The following CEP170 variants were observed in gnomAD, a reference collection of about 807,000 sequenced individuals.
The protein encoded by CEP170 is centrosomal protein of 170 kDa.
In CEP170, 21 loss-of-function variants were observed where a neutral mutation model predicts 151.9. The observed-to-expected ratio is 0.14, with a 90% CI of 0.10 to 0.20. The LOEUF (loss-of-function observed/expected upper bound fraction) is 0.20, where lower values mean the gene tolerates loss of function less well. CEP170 is among the 10% of genes least tolerant of loss of function. CEP170 has a pLI of 1.00. For missense variants in CEP170, 964 were observed against 1,892.9 expected (o/e 0.51, Z 9.11); for synonymous variants, 356 against 648.8 (o/e 0.55, Z 6.86).
intron 1 of CEP170, among the ~76,000 whole-genome samples, chr1:243,245,253 A>G (rs1449744237): frequency 1.3e-5 from 2 of 152,130 alleles, no homozygotes; most frequent in Non-Finnish European, 2.9e-5. Context: ...AGAAATTTAA[A>G]TAAGGTTTTT....
chr1:243,184,862 A>G (rs191874699), intron 10 of CEP170, among the ~76,000 whole-genome samples: 139 of 152,100 alleles, frequency 9.1e-4, no homozygotes, highest in African/African-American at 3.2e-3. Flanking sequence ...CTTGGTATAT[A>G]TAGGATGGGC....
At chr1:243,206,714 A>C (rs2061444696) in intron 4 of CEP170, among the ~76,000 whole-genome samples, 1 of 152,246 alleles carries the variant, frequency 6.6e-6, no homozygotes, top group East Asian at 1.9e-4. Context: ...TTAAATGACA[A>C]TTGACTTTTT....
At chr1:243,153,848 G>A (rs1294951194) in intron 14 of CEP170, among the ~76,000 whole-genome samples, 3 of 152,174 alleles carry the variant, frequency 2.0e-5, no homozygotes, top group Non-Finnish European at 4.4e-5. Context: ...TAGGTTGAAT[G>A]TATTTCATTT....
At chr1:243,152,323 G>A (rs11582263) in intron 14 of CEP170, among the ~76,000 whole-genome samples, 2,899 of 146,200 alleles carry the variant, frequency 0.02, 42 homozygotes, top group Middle Eastern at 0.033. Flanking sequence ...CTGGGTTCAC[G>A]CCATTCTCTT....
At chr1:243,169,432 T>A in intron 12 of CEP170, 196 bp downstream of exon 12, 3 of 1,021,306 alleles carry the variant, frequency 2.9e-6, no homozygotes, top group Non-Finnish European at 4.2e-6. Flanking sequence ...ATAAAATGAA[T>A]TCATTTATCA....
At chr1:243,226,512 G>C (rs1243572326) in intron 1 of CEP170, among the ~76,000 whole-genome samples, 1 of 151,932 alleles carries the variant, frequency 6.6e-6, no homozygotes, top group Non-Finnish European at 1.5e-5. Flanking sequence ...AGAAAACCTG[G>C]CTTCATACAC....
At chr1:243,204,677 T>C (rs553533639) in intron 4 of CEP170, among the ~76,000 whole-genome samples, 3 of 152,318 alleles carry the variant, frequency 2.0e-5, no homozygotes, top group Admixed American at 6.5e-5. Flanking sequence ...TCTCTTAATA[T>C]TGGAATGTAC....
At chr1:243,181,858 A>T (rs556711363) in intron 10 of CEP170, among the ~76,000 whole-genome samples, 3 of 151,950 alleles carry the variant, frequency 2.0e-5, no homozygotes, top group Non-Finnish European at 4.4e-5. Context: ...TCCTTTGTCC[A>T]TCAATGTTGG....
chr1:243,225,123 A>G, intron 2 of CEP170, 53 bp downstream of exon 2: 1 of 1,054,100 alleles, frequency 9.5e-7, no homozygotes, highest in Non-Finnish European at 1.3e-6. Flanking sequence ...AAAAGATTTT[A>G]CACTAATTTC....
At chr1:243,195,747 C>T (rs973873267) in intron 7 of CEP170, among the ~76,000 whole-genome samples, 6 of 152,188 alleles carry the variant, frequency 3.9e-5, no homozygotes, top group East Asian at 1.9e-4. Context: ...ACTTGATATA[C>T]ATTTCAAATC....
At chr1:243,237,786 T>C (rs2064389515) in intron 1 of CEP170, among the ~76,000 whole-genome samples, 1 of 151,680 alleles carries the variant, frequency 6.6e-6, no homozygotes. Context: ...GTGCCTGTAA[T>C]CCTAGCTACT....
At chr1:243,159,372 G>A (rs2057849417) in intron 13 of CEP170, among the ~76,000 whole-genome samples, 1 of 152,088 alleles carries the variant, frequency 6.6e-6, no homozygotes, top group Admixed American at 6.5e-5. Flanking sequence ...AGAAGGGACT[G>A]GGAAAGGGAG....
chr1:243,197,255 CA>C (rs1318276556), intron 7 of CEP170, among the ~76,000 whole-genome samples: 1 of 152,070 alleles, frequency 6.6e-6, no homozygotes. Context: ...TCAAAATTTA[CA>C]AATAAAGCAG....
chr1:243,136,603 T>G (rs1365089066), intron 16 of CEP170, among the ~76,000 whole-genome samples: 1 of 152,160 alleles, frequency 6.6e-6, no homozygotes, highest in Non-Finnish European at 1.5e-5. Flanking sequence ...ATTTATTATT[T>G]ATTCTTTCAC....
At chr1:243,159,803 T>TG (rs1558452605) in intron 13 of CEP170, among the ~76,000 whole-genome samples, 4 of 51,810 alleles carry the variant, frequency 7.7e-5, no homozygotes, top group Non-Finnish European at 1.6e-4. Flanking sequence ...GTGTGTGTGT[T>TG]TTTGAGATGG....
Position 243,221,828 on chromosome 1 carries a change from G to T in CEP170, c.106-15C>A, listed in dbSNP as rs188099595. 6.0e-5 allele frequency: 96 copies of T among 1,596,512 alleles called. No individual in the cohort carries two copies. In the African/African-American group the frequency reaches 1.1e-3, roughly 19 times the overall value. ...ACACTACGAGACTGAAAGGAATGTT[G>T]TCAGTTAATAAATATAAGAAAATAC... On this transcript the variant is annotated splice_polypyrimidine_tract_variant and intron_variant, in intron 2 of 19. Coordinates refer to ENST00000366542, the MANE Select transcript of CEP170 (RefSeq NM_014812.3).
chr1:243,146,741 A>C (rs968315459), intron 14 of CEP170, among the ~76,000 whole-genome samples: 9 of 152,190 alleles, frequency 5.9e-5, no homozygotes, highest in African/African-American at 1.7e-4. Context: ...TATACAATGC[A>C]GGAAAAAGTA....
At chr1:243,248,471 A>G (rs542197628) in intron 1 of CEP170, among the ~76,000 whole-genome samples, 2 of 152,312 alleles carry the variant, frequency 1.3e-5, no homozygotes, top group South Asian at 2.1e-4. Context: ...GATGCTTAAC[A>G]TTTAACTATC....
At chr1:243,194,521 A>C (rs914144326) in intron 7 of CEP170, among the ~76,000 whole-genome samples, 14 of 151,968 alleles carry the variant, frequency 9.2e-5, no homozygotes, top group African/African-American at 7.2e-5. Context: ...ACTTCAAAAA[A>C]ACTATCAACT....
Sources: allele counts gnomAD v4.1 joint callset (sites outside exome capture counted in the v4.1 genomes callset), GRCh38; gene constraint gnomAD v4.1.1; transcripts MANE v1.5; gene names NCBI Gene and HGNC (gene_info 2026-07-23, HGNC 2026-07-21).